Variants in DLG5 observed in about 807,000 individuals in gnomAD.
DLG5 encodes discs large MAGUK scaffold protein 5, also known as disks large homolog 5.
DLG5 carries 48 observed loss-of-function variants against 189.8 expected under a neutral mutation model. That is an observed-to-expected ratio of 0.25 (90% CI 0.20 to 0.32). The LOEUF (loss-of-function observed/expected upper bound fraction) is 0.32. Ranked by LOEUF, DLG5 falls within the 10% of genes least tolerant of loss-of-function variation. The pLI, the probability that DLG5 is intolerant of heterozygous loss-of-function variation, is 1.00. For missense variants in DLG5, 2,160 were observed against 2,544.7 expected, an observed-to-expected ratio of 0.85 and a Z score of 3.25; for synonymous variants, 1,016 against 1,054.1, an observed-to-expected ratio of 0.96 and a Z score of 0.70.
Position 77,878,093 on chromosome 10 carries a change from G to A in DLG5, c.305-8896C>T, listed in dbSNP as rs564762702. On this transcript the variant is annotated intron_variant, in intron 1 of 31. Coordinates refer to ENST00000372391, the MANE Select transcript of DLG5 (RefSeq NM_004747.4). ...CCCCGGCTCCCTCCTGCTCTGGCCC[G>A]GTGCTCAATTTCCACTAGTCAGTAA... is the stretch of plus-strand genomic sequence containing the variant. Among the ~76,000 whole-genome samples, 7 of 152,288 alleles carry A rather than the reference G, an allele frequency of 4.6e-5. No homozygotes were observed. The East Asian group carries it at 7.7e-4, about 17-fold the overall frequency.
intron 1 of DLG5, among the ~76,000 whole-genome samples, chr10:77,873,030 T>TGTGCGC (rs139841331): frequency 2.7e-4 from 29 of 105,520 alleles, no homozygotes; most frequent in Admixed American, 8.9e-4. Flanking sequence ...TGTGTGTGTG[T>TGTGCGC]GCACACACAC....
chr10:77,824,544 T>G, intron 13 of DLG5, 68 bp from the exon 14 acceptor site: 2 of 1,263,044 alleles, frequency 1.6e-6, no homozygotes, highest in Non-Finnish European at 2.3e-6. Context: ...TCAGGATCTC[T>G]GCCTACCTAA....
chr10:77,862,086 C>T (rs1289132326), intron 2 of DLG5, among the ~76,000 whole-genome samples: 4 of 152,172 alleles, frequency 2.6e-5, no homozygotes, highest in Admixed American at 1.3e-4. Flanking sequence ...CCCCATTCAA[C>T]TGAAGTTTTT....
At chr10:77,814,393 C>G (rs1171079166) in intron 20 of DLG5, among the ~76,000 whole-genome samples, 2 of 143,674 alleles carry the variant, frequency 1.4e-5, no homozygotes, top group East Asian at 4.2e-4. Context: ...TATACTTAAA[C>G]TATTAAAAAT....
At position 77,842,034 on chromosome 10, in the gene DLG5, C is replaced by A. The variant is rs1414946623; in HGVS notation, c.1284G>T (p.Val428=). The change falls in exon 7 of 32, where the codon GTG becomes GTT. Residue 428 remains valine, a synonymous_variant. Transcript: ENST00000372391. The part of the protein sequence containing the change: ...SEKYREERDA[V]YSEYKLIMSE... ...TCATGATGAGCTTGTACTCGCTGTA[C>A]ACAGCGTCCCGCTCCTCCCTGTATT... is the stretch of plus-strand genomic sequence containing the variant. 6.2e-7 allele frequency: 1 copy of A among 1,614,218 alleles called. No homozygotes were observed. Among genetic ancestry groups the A allele is most frequent in the Non-Finnish European group, 8.5e-7 (1 of 1,180,054 alleles).
intron 31 of DLG5, 181 bp from the exon 32 acceptor site, chr10:77,792,724 T>A: frequency 1.6e-6 from 1 of 621,088 alleles, no homozygotes; most frequent in South Asian, 1.9e-5. Context: ...AAATTGCCCC[T>A]CTTGAGTTGA....
chr10:77,790,955 C>G lies in DLG5; in HGVS notation c.*1485G>C, dbSNP rs1363222271. On this transcript the variant is annotated 3_prime_UTR_variant, in exon 32 of 32. Transcript: ENST00000372391. ...GTAACTTAGAAAACAGCCCCTACCC[C>G]CAGAGGGTCTGCGAGTTAATACCTT... The G allele has an allele frequency of 5.3e-5, 8 of 152,278 alleles. No individual in the cohort carries two copies. The highest frequency in any genetic ancestry group is 7.2e-5 in the African/African-American group (3 of 41,458). The allele number at this position is 152,278 out of a possible 1,614,324, so 9.4% of individuals were successfully genotyped here. A position where few individuals can be genotyped will look rare whatever the true frequency, so the allele number is the denominator to read the frequency against.
Position 77,861,297 on chromosome 10 carries a change from T to C in DLG5, c.374-4405A>G, listed in dbSNP as rs138652015. Among the ~76,000 whole-genome samples, 343 of 152,286 alleles carry C rather than the reference T, an allele frequency of 2.3e-3. No individual in the cohort carries two copies. The Middle Eastern group carries it at 0.027, about 12-fold the overall frequency. ...ATGGCTATTCTATGCTATAGTCAAG[T>C]TCAAGAAATAGCAGAGAAACATCAA... On this transcript the variant is annotated intron_variant, in intron 2 of 31. Coordinates refer to ENST00000372391, the MANE Select transcript of DLG5 (RefSeq NM_004747.4).
At chr10:77,864,152 C>A (rs1221528908) in intron 2 of DLG5, among the ~76,000 whole-genome samples, 1 of 152,104 alleles carries the variant, frequency 6.6e-6, no homozygotes, top group Non-Finnish European at 1.5e-5. Flanking sequence ...GAACTGGCAG[C>A]TGGGTGGATT....
At chr10:77,846,828 G>A in intron 5 of DLG5, 1 of 419,842 alleles carries the variant, frequency 2.4e-6, no homozygotes. Flanking sequence ...TCCCCACAAG[G>A]TGGCAGCCGC....
intron 1 of DLG5, among the ~76,000 whole-genome samples, chr10:77,896,666 C>T (rs889832844): frequency 6.6e-6 from 1 of 151,976 alleles, no homozygotes; most frequent in African/African-American, 2.4e-5. Flanking sequence ...TATGGTGAAA[C>T]CCTGTTTCTA....
In DLG5 at chr10:77,809,671, G is replaced by A. The variant is rs974107745; in HGVS notation, c.4523C>T (p.Ser1508Phe). The A allele has an allele frequency of 2.5e-6, 4 of 1,614,038 alleles. No homozygotes were observed. In the Admixed American group the frequency reaches 6.7e-5, roughly 27 times the overall value. Residue 1508 changes from serine to phenylalanine, a missense_variant, in exon 24 of 32, where the codon TCC becomes TTC. Ser to Phe is a radical substitution (Grantham distance 155). Around this residue, in one of 5 missense-constraint regions of DLG5, gnomAD observed 574 missense variants for 644.2 expected, o/e 0.89. Coordinates refer to ENST00000372391, the MANE Select transcript of DLG5 (RefSeq NM_004747.4). ...LEPRVVFIKK[S>F]QLELGVHLCG... ...CAAGTGCACCCCAAGCTCCAGCTGG[G>A]ACTTTTTGATGAAGACAACGCGTGG...
At position 77,926,195 on chromosome 10, in the gene DLG5, G is replaced by A; in HGVS notation, c.304+22C>T. 4 of 1,395,474 alleles carry A rather than the reference G, an allele frequency of 2.9e-6. No homozygotes were observed. Among genetic ancestry groups the A allele is most frequent in the East Asian group, 3.0e-5 (1 of 33,436 alleles). 86.4% of individuals were successfully genotyped at this position (1,395,474 alleles called of 1,614,324 possible). A position where few individuals can be genotyped will look rare whatever the true frequency, so the allele number is the denominator to read the frequency against. On this transcript the variant is annotated intron_variant, in intron 1 of 31. Coordinates refer to ENST00000372391, the MANE Select transcript of DLG5 (RefSeq NM_004747.4). This position sits in a 1 kb window ranked among gnomAD's most constrained non-coding sequence, Gnocchi z 5.2. The stretch of plus-strand genomic sequence containing the variant: ...AGCGGAGGGCGCGTCCCAGAGGCGG[G>A]GGCCAAGGGTCTGCCACTCACCCGC...
Position 77,816,680 on chromosome 10 carries a change from C to A in DLG5, c.3896G>T (p.Cys1299Phe). 6.2e-7 allele frequency: 1 copy of A among 1,611,514 alleles called. No individual in the cohort carries two copies. The highest frequency in any genetic ancestry group is 8.5e-7 in the Non-Finnish European group (1 of 1,178,710). ...CAGGGGTGACTGTGGAGGAGTGCTG[C>A]ATTCAGAATGTGACACTGAACCTGC... is the stretch of plus-strand genomic sequence containing the variant. Reference protein sequence around the residue: ...SERGSVSHSECSTPPQSPLNI... With the variant: ...SERGSVSHSEFSTPPQSPLNI... Residue 1299 changes from cysteine (C) to phenylalanine (F), a missense_variant, in exon 20 of 32, where the codon TGC (cysteine) becomes TTC (phenylalanine). Physicochemically the swap from Cys to Phe is radical, Grantham distance 205. Transcript: ENST00000372391.
At chr10:77,842,239 C>G (rs750346706) in intron 6 of DLG5, 46 bp from the exon 7 acceptor site, 2 of 1,571,154 alleles carry the variant, frequency 1.3e-6, no homozygotes, top group Non-Finnish European at 1.7e-6. Flanking sequence ...GGGCCCTGCC[C>G]GGTCAGTGGC....
At position 77,796,427 on chromosome 10, in the gene DLG5, C is replaced by T; in HGVS notation, c.5308+24G>A. ...ATAGAGACAAAGAGCCCAGTAGGCA[C>T]AGAGGGTGCCCCGTGCCCCTTACCA... is the stretch of plus-strand genomic sequence containing the variant. On this transcript the variant is annotated intron_variant, in intron 28 of 31. Transcript: ENST00000372391. This position sits in a 1 kb window ranked among gnomAD's most constrained non-coding sequence, Gnocchi z 5.2. 6.2e-7 allele frequency: 1 copy of T among 1,614,148 alleles called. No individual in the cohort carries two copies. Among genetic ancestry groups the T allele is most frequent in the Non-Finnish European group, 8.5e-7 (1 of 1,180,010 alleles).
chr10:77,827,250 G>A (rs752309154), intron 13 of DLG5, among the ~76,000 whole-genome samples: 2 of 152,098 alleles, frequency 1.3e-5, no homozygotes, highest in Non-Finnish European at 2.9e-5. Flanking sequence ...TTAGAGACAG[G>A]AGTCTTGCTC....
intron 9 of DLG5, 69 bp downstream of exon 9, chr10:77,833,845 C>T (rs1589180180): frequency 2.5e-6 from 4 of 1,581,102 alleles, no homozygotes; most frequent in East Asian, 4.5e-5. Flanking sequence ...CATTGCCTTG[C>T]CCAGAAGGGA....
chr10:77,842,086 T>A lies in DLG5; in HGVS notation c.1232A>T (p.Gln411Leu). The A allele has an allele frequency of 1.9e-6, 3 of 1,613,932 alleles. No individual in the cohort carries two copies. Among genetic ancestry groups the A allele is most frequent in the East Asian group, 2.2e-5 (1 of 44,892 alleles). ...QSELTELRTTQVKTAKESEKY... is the reference protein window; with the variant it reads ...QSELTELRTTLVKTAKESEKY... Reference sequence around the variant, plus strand: ...CTCCGACTCCTTTGCTGTCTTCACCTGCGTGGTTCTCAGCTCGGTCAGCTC... The same window carrying A: ...CTCCGACTCCTTTGCTGTCTTCACCAGCGTGGTTCTCAGCTCGGTCAGCTC... The change falls in exon 7 of 32, where the codon CAG becomes CTG. Residue 411 changes from glutamine (Q) to leucine (L), a missense_variant. Physicochemically the swap from Gln to Leu is moderately radical, Grantham distance 113. This residue lies in a region of DLG5 where 664 missense variants were observed against 838.5 expected (regional missense o/e 0.79). Coordinates refer to ENST00000372391, the MANE Select transcript of DLG5 (RefSeq NM_004747.4).
Sources: gnomAD v4.1 joint callset for allele counts (sites outside exome capture counted in the v4.1 genomes callset) on GRCh38, gnomAD v4.1.1 for gene constraint, gnomAD v4.1.1 regional missense constraint, Gnocchi (gnomAD v3.1) non-coding constraint, MANE v1.5 for transcripts, NCBI Gene and HGNC (gene_info 2026-07-23, HGNC 2026-07-21) for gene names.